VXN: variants seen among roughly 807,000 people sequenced by gnomAD.
The protein encoded by VXN is uncharacterized protein C8orf46.
A neutral mutation model predicts 23.1 loss-of-function variants in VXN; 7 were observed. That is an observed-to-expected ratio of 0.30 (90% CI 0.17 to 0.57). VXN has a LOEUF of 0.57. VXN is among the 20% of genes least tolerant of loss of function. The probability of loss-of-function intolerance (pLI) is 0.91; values close to 1 mark genes in which losing one functional copy is unlikely to be tolerated. For synonymous variants in VXN, 120 were observed against 105.8 expected, an observed-to-expected ratio of 1.13 and a Z score of -0.83; for missense variants, 238 against 272.6, an observed-to-expected ratio of 0.87 and a Z score of 0.89.
intron 2 of VXN, among the ~76,000 whole-genome samples, chr8:66,500,109 T>C (rs1486067358): frequency 6.6e-6 from 1 of 152,188 alleles, no homozygotes; most frequent in Non-Finnish European, 1.5e-5. Flanking sequence ...AACCTGAAGT[T>C]TTCTAGATTC....
intron 1 of VXN, among the ~76,000 whole-genome samples, chr8:66,495,731 A>C (rs562436212): frequency 6.6e-6 from 1 of 152,306 alleles, no homozygotes; most frequent in South Asian, 2.1e-4. Flanking sequence ...AATTTCTTTA[A>C]GCTTTTTTAT....
In VXN at chr8:66,493,708, T is replaced by C. The variant is rs139160272; in HGVS notation, c.60T>C (p.Ile20=). 137 of 1,613,156 alleles carry C rather than the reference T, an allele frequency of 8.5e-5. 1 individual carries two copies. In the African/African-American group the frequency reaches 1.7e-3, roughly 20 times the overall value. The change falls in exon 1 of 6, where the codon ATT becomes ATC. Residue 20 remains isoleucine, a synonymous_variant. Transcript: ENST00000305454. Reference sequence around the variant, plus strand: ...ACATAGAAGTTTTCACCACCGTGATTCCTTCCAAGGGTGAGTGAAATTGCC... The same window carrying C: ...ACATAGAAGTTTTCACCACCGTGATCCCTTCCAAGGGTGAGTGAAATTGCC... ...DENIEVFTTV[I]PSKVSSPARR...
chr8:66,505,014 C>T (rs1807733688), intron 2 of VXN, among the ~76,000 whole-genome samples: 1 of 152,242 alleles, frequency 6.6e-6, no homozygotes. Context: ...TGTTTCATTG[C>T]CTGTCCTGTT....
At chr8:66,497,449 A>G (rs1295486157) in intron 2 of VXN, among the ~76,000 whole-genome samples, 1 of 152,208 alleles carries the variant, frequency 6.6e-6, no homozygotes, top group Non-Finnish European at 1.5e-5. Flanking sequence ...CAACATCACC[A>G]GCATCGGCTT....
chr8:66,503,333 C>A (rs1277547769), intron 2 of VXN: 1 of 152,140 alleles, frequency 6.6e-6, no homozygotes, highest in Non-Finnish European at 1.5e-5. Context: ...TTCTGTGAAT[C>A]CCCTCAGCCC....
intron 2 of VXN, 22 bp from the exon 3 acceptor site, chr8:66,505,353 C>A: frequency 6.4e-7 from 1 of 1,570,410 alleles, no homozygotes; most frequent in Non-Finnish European, 8.6e-7. Flanking sequence ...AGTGGGCTAA[C>A]CGCGTTTCCC....
In VXN at chr8:66,516,193, T is replaced by A. The variant is rs1807893614; in HGVS notation, c.*117T>A. The A allele has an allele frequency of 5.6e-6, 5 of 894,912 alleles. No homozygotes were observed. The highest frequency in any genetic ancestry group is 8.1e-6 in the Non-Finnish European group (5 of 618,354). The allele number at this position is 894,912 out of a possible 1,614,324, so 55.4% of individuals were successfully genotyped here. On this transcript the variant is annotated 3_prime_UTR_variant, in exon 6 of 6. Transcript: ENST00000305454. ...GCTAGTAGCTGGTCCAAACCCATTA[T>A]CCTCCCTCACTCATTGATTACCCTG...
chr8:66,495,314 A>G (rs1342856184), intron 1 of VXN, among the ~76,000 whole-genome samples: 1 of 152,252 alleles, frequency 6.6e-6, no homozygotes, highest in Non-Finnish European at 1.5e-5. Context: ...CAAAATTTTT[A>G]AAGGAAGAAA....
chr8:66,501,039 A>AT (rs552449727), intron 2 of VXN, among the ~76,000 whole-genome samples: 2 of 151,250 alleles, frequency 1.3e-5, no homozygotes, highest in African/African-American at 4.9e-5. Flanking sequence ...GGCCCAGCTA[A>AT]TTTTTTTTGT....
At chr8:66,503,299 T>C (rs1190424630) in intron 2 of VXN, 1 of 152,230 alleles carries the variant, frequency 6.6e-6, no homozygotes, top group Non-Finnish European at 1.5e-5. Flanking sequence ...TGTATAAAAT[T>C]AGGCTAGAAT....
In VXN at chr8:66,505,507, G is replaced by A. The variant is rs200880968; in HGVS notation, c.259G>A (p.Ala87Thr). Residue 87 changes from alanine to threonine, a missense_variant, in exon 3 of 6, where the codon GCC becomes ACC. Ala to Thr is a moderately conservative substitution (Grantham distance 58). Transcript: ENST00000305454. ...CGCGCGGCCGCCCACAGCCCACCCGGCCAAAGCCTCTGCCAGACCCGGTAC... is the reference window on the plus strand; with the variant it reads ...CGCGCGGCCGCCCACAGCCCACCCGACCAAAGCCTCTGCCAGACCCGGTAC... Reference protein sequence around the residue: ...QTARPPTAHPAKASARPVGIS... With the variant: ...QTARPPTAHPTKASARPVGIS... The A allele has an allele frequency of 6.5e-7, 1 of 1,539,388 alleles. No homozygotes were observed. The highest frequency in any genetic ancestry group is 8.7e-7 in the Non-Finnish European group (1 of 1,146,472).
rs1807591821 is a variant in VXN at position 66,493,705 on chromosome 8, G to C, written c.57G>C (p.Val19=). ...SDENIEVFTT[V]IPSKVSSPAR... ...AGAACATAGAAGTTTTCACCACCGT[G>C]ATTCCTTCCAAGGGTGAGTGAAATT... Residue 19 remains valine, a synonymous_variant, in exon 1 of 6, where the codon GTG becomes GTC. Coordinates refer to ENST00000305454, the MANE Select transcript of VXN (RefSeq NM_152765.4). 1 of 1,613,160 alleles carries C rather than the reference G, an allele frequency of 6.2e-7. No homozygotes were observed. The highest frequency in any genetic ancestry group is 1.3e-5 in the African/African-American group (1 of 74,904).
intron 5 of VXN, among the ~76,000 whole-genome samples, chr8:66,514,805 A>T (rs1189578952): frequency 2.6e-5 from 4 of 152,148 alleles, no homozygotes; most frequent in Admixed American, 2.6e-4. Context: ...CTTATCTAGT[A>T]GTTGGGAAGC....
chr8:66,515,252 T>C (rs1368654668), intron 5 of VXN, among the ~76,000 whole-genome samples: 1 of 152,160 alleles, frequency 6.6e-6, no homozygotes, highest in Non-Finnish European at 1.5e-5. Flanking sequence ...AACTCAGTCA[T>C]TGTCATTTCA....
rs12550715 is a variant in VXN, at chr8:66,493,732, C to T, written c.70+14C>T. 6.3e-5 allele frequency: 101 copies of T among 1,608,196 alleles called. No individual in the cohort carries two copies. The highest frequency in any genetic ancestry group is 3.7e-4 in the Middle Eastern group (2 of 5,350). On this transcript the variant is annotated intron_variant, in intron 1 of 5. Coordinates refer to ENST00000305454, the MANE Select transcript of VXN (RefSeq NM_152765.4). ...TTCCTTCCAAGGGTGAGTGAAATTGCCCTTGACTGTTTCCTTAACGTGGCA... is the reference window on the plus strand; with the variant it reads ...TTCCTTCCAAGGGTGAGTGAAATTGTCCTTGACTGTTTCCTTAACGTGGCA...
chr8:66,498,763 AGAATAGT>A, intron 2 of VXN: 1 of 449,628 alleles, frequency 2.2e-6, no homozygotes, highest in Non-Finnish European at 4.5e-6. Flanking sequence ...CACACTGCTC[AGAATAGT>A]GCAAAATTTA....
At chr8:66,510,260 A>G in intron 4 of VXN, 103 bp downstream of exon 4, 1 of 965,410 alleles carries the variant, frequency 1.0e-6, no homozygotes, top group Non-Finnish European at 1.5e-6. Context: ...TCTTTGTTCC[A>G]GGCCTGAGGA....
chr8:66,501,430 C>T (rs1807691018), intron 2 of VXN: 1 of 152,092 alleles, frequency 6.6e-6, no homozygotes, highest in South Asian at 2.1e-4. Flanking sequence ...AAAACTCAAT[C>T]CCAAAGTCTA....
In VXN at chr8:66,515,899, A is replaced by G. The variant is rs1464315824; in HGVS notation, c.447A>G (p.Arg149=). The G allele has an allele frequency of 6.3e-7, 1 of 1,593,164 alleles. No homozygotes were observed. Among genetic ancestry groups the G allele is most frequent in the Non-Finnish European group, 8.5e-7 (1 of 1,170,400 alleles). The part of the protein sequence containing the change: ...EKGAVLMRGS[R]HLKKMTEEYP... Reference sequence around the variant, plus strand: ...ACTCCTGGCTTTTCTTTAGATCCAGACATCTCAAGAAGATGACTGAAGAGT... The same window carrying G: ...ACTCCTGGCTTTTCTTTAGATCCAGGCATCTCAAGAAGATGACTGAAGAGT... The change falls in exon 6 of 6, where the codon AGA becomes AGG. Residue 149 remains arginine, a synonymous_variant. Coordinates refer to ENST00000305454, the MANE Select transcript of VXN (RefSeq NM_152765.4).
Sources: allele counts gnomAD v4.1 joint callset (sites outside exome capture counted in the v4.1 genomes callset), GRCh38; gene constraint gnomAD v4.1.1; transcripts MANE v1.5; gene names NCBI Gene and HGNC (gene_info 2026-07-23, HGNC 2026-07-21).